The following CACNA1A variants were observed in gnomAD, a reference collection of about 807,000 sequenced individuals.
CACNA1A encodes calcium voltage-gated channel subunit alpha1 A, also known as voltage-dependent P/Q-type calcium channel subunit alpha-1A.
In CACNA1A, 57 loss-of-function variants were observed where a neutral mutation model predicts 262.4. The observed-to-expected ratio is 0.22, with a 90% CI of 0.18 to 0.27. CACNA1A has a LOEUF of 0.27. Among genes scored for constraint, CACNA1A ranks in the 10% least tolerant of loss-of-function variants. The pLI, the probability that CACNA1A is intolerant of heterozygous loss-of-function variation, is 1.00. For synonymous variants in CACNA1A, 1,431 were observed against 1,419.3 expected (o/e 1.01, Z -0.18); for missense variants, 2,526 against 3,562.8 (o/e 0.71, Z 7.41).
intron 3 of CACNA1A, among the ~76,000 whole-genome samples, chr19:13,423,337 T>C (rs1488265411): frequency 5.9e-5 from 9 of 152,098 alleles, no homozygotes; most frequent in Admixed American, 5.9e-4. Context: ...AGTGGGTTCA[T>C]CCCTACCTTA....
At chr19:13,412,196 C>T (rs772177215) in intron 3 of CACNA1A, among the ~76,000 whole-genome samples, 31 of 151,750 alleles carry the variant, frequency 2.0e-4, no homozygotes, top group Non-Finnish European at 3.7e-4. Flanking sequence ...GTTTCCACGC[C>T]GCCTCCAGTG....
rs1365860992 is a variant in CACNA1A, at chr19:13,207,807, C to T, written c.7027G>A (p.Gly2343Ser). ...AATSGPRRYP[G>S]PTAEPLAGDR... is the part of the protein sequence containing the mutation. ...CCGGCCAGAGGCTCGGCCGTGGGGCCTGGGTACCTCCGAGGGCCGCTGGTG... is the reference window on the plus strand; with the variant it reads ...CCGGCCAGAGGCTCGGCCGTGGGGCTTGGGTACCTCCGAGGGCCGCTGGTG... Residue 2343 changes from glycine to serine, a missense_variant, in exon 47 of 47, where the codon GGC becomes AGC. Physicochemically the swap from Gly to Ser is moderately conservative, Grantham distance 56 (BLOSUM62 0). Transcript: ENST00000360228. The surrounding 1 kb of genome is among the most constrained non-coding windows in gnomAD (Gnocchi z 5.7). The T allele has an allele frequency of 6.8e-5, 99 of 1,446,322 alleles. 1 individual carries two copies. The highest frequency in any genetic ancestry group is 8.4e-5 in the Non-Finnish European group (93 of 1,107,198). 89.6% of individuals were successfully genotyped at this position (1,446,322 alleles called of 1,614,324 possible). A position where few individuals can be genotyped will look rare whatever the true frequency, so the allele number is the denominator to read the frequency against.
rs187843437 is a variant in CACNA1A, at chr19:13,281,689, C to T, written c.3822+1578G>A. 1.8e-3 allele frequency among the ~76,000 whole-genome samples: 273 copies of T among 152,266 alleles called. 1 individual carries two copies. Among genetic ancestry groups the T allele is most frequent in the Middle Eastern group, 3.4e-3 (1 of 294 alleles). On this transcript the variant is annotated intron_variant, in intron 22 of 46. Coordinates refer to ENST00000360228, the MANE Select transcript of CACNA1A (RefSeq NM_001127222.2). ...AAAGAAGGCGGTGGGGGTGGGGGAT[C>T]GAGGAGGCACATGCCGCGTGGGGCG... is the stretch of plus-strand genomic sequence containing the variant.
At chr19:13,355,896 T>C (rs2058999978) in intron 6 of CACNA1A, among the ~76,000 whole-genome samples, 1 of 152,176 alleles carries the variant, frequency 6.6e-6, no homozygotes, top group African/African-American at 2.4e-5. Flanking sequence ...AGCATCCTCC[T>C]TCTTCCCATC....
chr19:13,240,859 A>C lies in CACNA1A; in HGVS notation c.4950+4323T>G, dbSNP rs1451578034. Among the ~76,000 whole-genome samples, 8 of 152,248 alleles carry C rather than the reference A, an allele frequency of 5.3e-5. No individual in the cohort carries two copies. In the South Asian group the frequency reaches 1.7e-3, roughly 31 times the overall value. On this transcript the variant is annotated intron_variant, in intron 31 of 46. Transcript: ENST00000360228. Reference sequence around the variant, plus strand: ...ACTGTGTGACTGCGTGTGCACGTACAGTTCAAGGCTCCAGGAGAGGGCCTC... The same window carrying C: ...ACTGTGTGACTGCGTGTGCACGTACCGTTCAAGGCTCCAGGAGAGGGCCTC...
intron 40 of CACNA1A, among the ~76,000 whole-genome samples, chr19:13,213,296 T>C (rs1206697714): frequency 6.6e-6 from 1 of 152,156 alleles, no homozygotes; most frequent in Non-Finnish European, 1.5e-5. Context: ...CTTCCAGGTA[T>C]TGCTTAGCTC....
At chr19:13,261,302 A>C (rs1202716453) in intron 26 of CACNA1A, 148 bp downstream of exon 26, 1 of 648,800 alleles carries the variant, frequency 1.5e-6, no homozygotes, top group African/African-American at 1.8e-5. Context: ...TTTTCTTTCT[A>C]CCCAAGATCC....
chr19:13,285,740 C>A (rs540704505), intron 20 of CACNA1A, among the ~76,000 whole-genome samples: 3 of 152,224 alleles, frequency 2.0e-5, no homozygotes, highest in Non-Finnish European at 4.4e-5. Flanking sequence ...TCTGGAGCTT[C>A]CATTCTGCAG....
At position 13,206,591 on chromosome 19, in the gene CACNA1A, G is replaced by C. The variant is rs1568413442; in HGVS notation, c.*722C>G. 1 of 153,876 alleles carries C rather than the reference G, an allele frequency of 6.5e-6. No homozygotes were observed. Among genetic ancestry groups the C allele is most frequent in the African/African-American group, 2.4e-5 (1 of 41,426 alleles). The allele number at this position is 153,876 out of a possible 1,614,324, so 9.5% of individuals were successfully genotyped here. The stretch of plus-strand genomic sequence containing the variant: ...GATGGTGGGTTTTTCTTCTTCTTTT[G>C]TTGTTTCAAGCAGGACCAAATGTCA... On this transcript the variant is annotated 3_prime_UTR_variant, in exon 47 of 47. Transcript: ENST00000360228.
At chr19:13,499,566 G>C (rs1348343976) in intron 1 of CACNA1A, among the ~76,000 whole-genome samples, 3 of 152,024 alleles carry the variant, frequency 2.0e-5, no homozygotes, top group Non-Finnish European at 2.9e-5. Flanking sequence ...GGCGTTTTGG[G>C]GTTTTTCTCT....
At chr19:13,502,015 C>T (rs1982430018) in intron 1 of CACNA1A, among the ~76,000 whole-genome samples, 1 of 152,150 alleles carries the variant, frequency 6.6e-6, no homozygotes, top group Non-Finnish European at 1.5e-5. Context: ...GTACAAGGAT[C>T]ACGTAAGTGA....
intron 3 of CACNA1A, among the ~76,000 whole-genome samples, chr19:13,394,158 C>G (rs935088349): frequency 1.3e-5 from 2 of 152,112 alleles, no homozygotes; most frequent in Non-Finnish European, 2.9e-5. Context: ...CCATGATGAC[C>G]CTACAAGTGT....
chr19:13,425,121 T>C (rs898522998), intron 3 of CACNA1A, among the ~76,000 whole-genome samples: 37 of 152,148 alleles, frequency 2.4e-4, no homozygotes, highest in African/African-American at 8.9e-4. Context: ...CTATTTCTAA[T>C]GCAGTAAGCT....
chr19:13,230,928 C>A lies in CACNA1A; in HGVS notation c.5401-719G>T, dbSNP rs190862595. Among the ~76,000 whole-genome samples, 728 of 152,052 alleles carry A rather than the reference C, an allele frequency of 4.8e-3. 6 individuals carry two copies. The highest frequency in any genetic ancestry group is 0.017 in the African/African-American group (710 of 41,502). On this transcript the variant is annotated intron_variant, in intron 35 of 46. Coordinates refer to ENST00000360228, the MANE Select transcript of CACNA1A (RefSeq NM_001127222.2). Reference sequence around the variant, plus strand: ...AACACCAAGAGAACCACTGTGACCCCAAATCCTCCCACATCTGCCCCCAAC... The same window carrying A: ...AACACCAAGAGAACCACTGTGACCCAAAATCCTCCCACATCTGCCCCCAAC...
rs778236276 is a variant in CACNA1A at position 13,285,166 on chromosome 19, CTCT to C, written c.3591_3593del (p.Glu1200del). On this transcript the variant is annotated inframe_deletion, in exon 21 of 47. Coordinates refer to ENST00000360228, the MANE Select transcript of CACNA1A (RefSeq NM_001127222.2). ...CTTCCTCCTCCTCCTTCTTCTCTTC[CTCT>C]TTTTTTGGCAGTGGGTCTGGGTTGG... 6.2e-7 allele frequency: 1 copy of C among 1,613,976 alleles called. No homozygotes were observed. Among genetic ancestry groups the C allele is most frequent in the Admixed American group, 1.7e-5 (1 of 60,020 alleles).
chr19:13,490,608 C>CAAAAGAAAAGAAAGG (rs1980648523), intron 1 of CACNA1A, among the ~76,000 whole-genome samples: 2 of 99,292 alleles, frequency 2.0e-5, no homozygotes, highest in South Asian at 6.2e-4. Flanking sequence ...TCTCAAAAAA[C>CAAAAGAAAAGAAAGG]AAAAGAAAAG....
intron 3 of CACNA1A, among the ~76,000 whole-genome samples, chr19:13,402,528 C>G (rs191788982): frequency 6.6e-6 from 1 of 150,896 alleles, no homozygotes; most frequent in Non-Finnish European, 1.5e-5. Context: ...ACCCCAATAA[C>G]TTATGGAAAA....
At chr19:13,464,018 C>T (rs1198833357) in intron 1 of CACNA1A, among the ~76,000 whole-genome samples, 1 of 152,154 alleles carries the variant, frequency 6.6e-6, no homozygotes, top group Admixed American at 6.6e-5. Flanking sequence ...TAATCTATTA[C>T]AGGGCCCTGC....
At chr19:13,502,928 A>G (rs188237161) in intron 1 of CACNA1A, among the ~76,000 whole-genome samples, 39 of 152,254 alleles carry the variant, frequency 2.6e-4, no homozygotes, top group African/African-American at 9.1e-4. Flanking sequence ...CTTCTCTTAA[A>G]CAAGACAGGG....
Sources: allele counts gnomAD v4.1 joint callset (sites outside exome capture counted in the v4.1 genomes callset), GRCh38; gene constraint gnomAD v4.1.1; non-coding constraint Gnocchi (gnomAD v3.1); transcripts MANE v1.5; gene names NCBI Gene and HGNC (gene_info 2026-07-23, HGNC 2026-07-21).